COG6: variants seen among roughly 807,000 people sequenced by gnomAD.
COG6 encodes the protein component of oligomeric golgi complex 6, also known as conserved oligomeric Golgi complex subunit 6.
In COG6, 74 loss-of-function variants were observed where a neutral mutation model predicts 88.8. That is an observed-to-expected ratio of 0.83 (90% CI 0.69 to 1.01). The LOEUF (loss-of-function observed/expected upper bound fraction) is 1.01. COG6 is among the 50% of genes least tolerant of loss of function. The pLI is 0.00. For missense variants in COG6, 800 were observed against 797.9 expected (o/e 1.00, Z -0.03); for synonymous variants, 286 against 278.7 (o/e 1.03, Z -0.26).
intron 4 of COG6, among the ~76,000 whole-genome samples, chr13:39,671,591 C>T: frequency 6.6e-6 from 1 of 151,588 alleles, no homozygotes; most frequent in African/African-American, 2.4e-5. Context: ...TTGTTTATGC[C>T]CATCATATAT....
intron 1 of COG6, among the ~76,000 whole-genome samples, chr13:39,658,906 G>A (rs1488908663): frequency 1.3e-5 from 2 of 152,186 alleles, no homozygotes; most frequent in African/African-American, 2.4e-5. Context: ...CATTATATAT[G>A]TGTCAACTAG....
At chr13:39,781,390 A>G (rs1433985623) in intron 18 of COG6, among the ~76,000 whole-genome samples, 1 of 152,132 alleles carries the variant, frequency 6.6e-6, no homozygotes, top group Non-Finnish European at 1.5e-5. Context: ...TTTCCCCTGA[A>G]AATATGAAAT....
At chr13:39,706,538 C>T (rs1351461932) in intron 13 of COG6, among the ~76,000 whole-genome samples, 1 of 151,180 alleles carries the variant, frequency 6.6e-6, no homozygotes, top group Non-Finnish European at 1.5e-5. Context: ...AGTCAGAGCA[C>T]CTAAACTACA....
intron 11 of COG6, among the ~76,000 whole-genome samples, chr13:39,693,886 A>G (rs761325342): frequency 2.0e-5 from 3 of 152,002 alleles, no homozygotes; most frequent in Admixed American, 6.6e-5. Flanking sequence ...CATAATGTCT[A>G]TACTGTATTT....
intron 13 of COG6, among the ~76,000 whole-genome samples, chr13:39,703,588 A>G (rs918452839): frequency 3.9e-5 from 6 of 152,040 alleles, no homozygotes; most frequent in Non-Finnish European, 8.8e-5. Flanking sequence ...AACTTTTTTT[A>G]TAGTTTTTTT....
At chr13:39,776,081 T>G (rs1881455519) in intron 18 of COG6, among the ~76,000 whole-genome samples, 1 of 152,168 alleles carries the variant, frequency 6.6e-6, no homozygotes, top group South Asian at 2.1e-4. Flanking sequence ...AAGTTTTGTT[T>G]TAGGCAAACT....
At chr13:39,719,402 T>G in intron 14 of COG6, 35 bp downstream of exon 14, 1 of 1,598,712 alleles carries the variant, frequency 6.3e-7, no homozygotes, top group Non-Finnish European at 8.5e-7. Flanking sequence ...GATTGTTTTT[T>G]GCTCTTCTAT....
intron 4 of COG6, among the ~76,000 whole-genome samples, chr13:39,672,340 A>G (rs190221379): frequency 3.3e-5 from 5 of 152,128 alleles, no homozygotes; most frequent in Admixed American, 3.3e-4. Context: ...TGGTTTTAGT[A>G]TATTCAGAGT....
chr13:39,703,261 A>G (rs1877686632), intron 13 of COG6, among the ~76,000 whole-genome samples: 1 of 152,066 alleles, frequency 6.6e-6, no homozygotes, highest in African/African-American at 2.4e-5. Flanking sequence ...AAACTGGATA[A>G]TGGACATTAA....
At chr13:39,728,120 T>G (rs1031394425) in intron 18 of COG6, among the ~76,000 whole-genome samples, 2 of 152,158 alleles carry the variant, frequency 1.3e-5, no homozygotes, top group Non-Finnish European at 2.9e-5. Flanking sequence ...GGCAACATTA[T>G]CTACACATTT....
intron 18 of COG6, among the ~76,000 whole-genome samples, chr13:39,730,773 CAAAAAAAAAAAAAA>C (rs569292449): frequency 2.5e-5 from 1 of 39,470 alleles, no homozygotes; most frequent in Non-Finnish European, 4.5e-5. Context: ...GACTCCATCT[CAAAAAAAAAAAAAA>C]AAAAAAAAAA....
At chr13:39,673,061 C>T (rs1259741136) in intron 4 of COG6, among the ~76,000 whole-genome samples, 1 of 151,868 alleles carries the variant, frequency 6.6e-6, no homozygotes, top group East Asian at 1.9e-4. Flanking sequence ...CGTCCTTTAC[C>T]CATTTTTTAA....
chr13:39,743,017 C>T (rs1473856922), intron 18 of COG6, among the ~76,000 whole-genome samples: 15 of 152,170 alleles, frequency 9.9e-5, no homozygotes, highest in East Asian at 3.9e-4. Flanking sequence ...GGGTACATAA[C>T]GAAATCAAGG....
At chr13:39,662,392 G>T (rs1874961563) in intron 3 of COG6, among the ~76,000 whole-genome samples, 1 of 152,038 alleles carries the variant, frequency 6.6e-6, no homozygotes. Context: ...CTTCCAAAGT[G>T]CTGGGATTAC....
chr13:39,739,207 A>T (rs1235795006), intron 18 of COG6, among the ~76,000 whole-genome samples: 4 of 152,154 alleles, frequency 2.6e-5, no homozygotes, highest in African/African-American at 9.6e-5. Context: ...TCCTAGCAAG[A>T]ACTAGAAAAG....
chr13:39,693,484 A>G (rs749262214), intron 11 of COG6, among the ~76,000 whole-genome samples: 2 of 152,004 alleles, frequency 1.3e-5, no homozygotes, highest in South Asian at 2.1e-4. Context: ...TGTAATAATT[A>G]TATTAAAATT....
intron 18 of COG6, among the ~76,000 whole-genome samples, chr13:39,786,301 GA>G (rs2138193559): frequency 6.6e-6 from 1 of 152,288 alleles, no homozygotes; most frequent in South Asian, 2.1e-4. Context: ...ATAGCCAGAG[GA>G]AGGAATGGGG....
intron 17 of COG6, among the ~76,000 whole-genome samples, chr13:39,727,181 C>T (rs1879175924): frequency 6.6e-6 from 1 of 151,954 alleles, no homozygotes; most frequent in Non-Finnish European, 1.5e-5. Context: ...GACTTTACTT[C>T]TTGTTAATAT....
At chr13:39,721,512 T>G (rs904478675) in intron 15 of COG6, among the ~76,000 whole-genome samples, 2 of 152,106 alleles carry the variant, frequency 1.3e-5, no homozygotes, top group Non-Finnish European at 2.9e-5. Context: ...TGGCAGTCCC[T>G]TGAGTGGGTA....
Sources: allele counts gnomAD v4.1 joint callset (sites outside exome capture counted in the v4.1 genomes callset), GRCh38; gene constraint gnomAD v4.1.1; transcripts MANE v1.5; gene names NCBI Gene and HGNC (gene_info 2026-07-23, HGNC 2026-07-21).